CANT1: variants seen among roughly 807,000 people sequenced by gnomAD.
CANT1 encodes the protein soluble calcium-activated nucleotidase 1.
A neutral mutation model predicts 30.0 loss-of-function variants in CANT1; 26 were observed. That is an observed-to-expected ratio of 0.87 (90% confidence interval 0.64 to 1.20). CANT1 has a LOEUF of 1.20. Ranked by LOEUF, CANT1 falls within the 50% of genes most tolerant of loss-of-function variation. CANT1 has a pLI of 0.00. For synonymous variants in CANT1, 246 were observed against 251.8 expected (o/e 0.98, Z 0.22); for missense variants, 518 against 563.0 (o/e 0.92, Z 0.81).
Position 78,997,292 on chromosome 17 carries a change from C to T in CANT1, c.331G>A (p.Ala111Thr), listed in dbSNP as rs757164885. ...AGIRYRIAVI[A>T]DLDTESRAQE... ...GCCCTTGACTCTGTGTCCAGGTCTG[C>T]GATAACTGCGATTCGATACCGAATC... The change falls in exon 3 of 5, where the codon GCA becomes ACA. Residue 111 changes from alanine to threonine, a missense_variant. This residue lies in a region of CANT1 where 249 missense variants were observed against 268.8 expected (regional missense o/e 0.93). Coordinates refer to ENST00000392446, the MANE Select transcript of CANT1 (RefSeq NM_001159773.2). The surrounding 1 kb of genome is among the most constrained non-coding windows in gnomAD (Gnocchi z 7.5). The T allele has an allele frequency of 8.7e-6, 14 of 1,614,048 alleles. No individual in the cohort carries two copies. Among genetic ancestry groups the T allele is most frequent in the African/African-American group, 1.3e-5 (1 of 74,916 alleles).
At position 78,992,664 on chromosome 17, in the gene CANT1, G is replaced by A. The variant is rs776055781; in HGVS notation, c.*886C>T. The A allele has an allele frequency of 8.3e-5, 48 of 581,764 alleles. No individual in the cohort carries two copies. Among genetic ancestry groups the A allele is most frequent in the Admixed American group, 7.6e-4 (38 of 49,808 alleles). The allele number at this position is 581,764 out of a possible 1,614,324, so 36.0% of individuals were successfully genotyped here. On this transcript the variant is annotated 3_prime_UTR_variant, in exon 5 of 5. Coordinates refer to ENST00000392446, the MANE Select transcript of CANT1 (RefSeq NM_001159773.2). ...GATTTCTGACAGTTCCTAGAAAAAG[G>A]CAACATTTTCTTTATCTTTGTATCC...
At position 78,992,860 on chromosome 17, in the gene CANT1, A is replaced by G; in HGVS notation, c.*690T>C. The G allele has an allele frequency of 2.7e-6, 1 of 377,044 alleles. No homozygotes were observed. Among genetic ancestry groups the G allele is most frequent in the Non-Finnish European group, 5.2e-6 (1 of 194,148 alleles). 23.4% of individuals were successfully genotyped at this position (377,044 alleles called of 1,614,324 possible). A position where few individuals can be genotyped will look rare whatever the true frequency, so the allele number is the denominator to read the frequency against. On this transcript the variant is annotated 3_prime_UTR_variant, in exon 5 of 5. Coordinates refer to ENST00000392446, the MANE Select transcript of CANT1 (RefSeq NM_001159773.2). Reference sequence around the variant, plus strand: ...AAACTGCTTTAATTAAAGCAGGTTAATAATTAAAACTTCAAAGTACTGCAC... The same window carrying G: ...AAACTGCTTTAATTAAAGCAGGTTAGTAATTAAAACTTCAAAGTACTGCAC...
At chr17:79,004,254 A>G (rs1194197422) in intron 1 of CANT1, among the ~76,000 whole-genome samples, 1 of 24,926 alleles carries the variant, frequency 4.0e-5, no homozygotes, top group Non-Finnish European at 8.0e-5. Context: ...AGCTAGGGAG[A>G]GGACAGTTAG....
Position 79,002,649 on chromosome 17 carries a change from G to A in CANT1, c.-146-4686C>T, listed in dbSNP as rs2071307476. Among the ~76,000 whole-genome samples the A allele has an allele frequency of 6.6e-6, 1 of 152,228 alleles. No individual in the cohort carries two copies. Among genetic ancestry groups the A allele is most frequent in the African/African-American group, 2.4e-5 (1 of 41,458 alleles). On this transcript the variant is annotated intron_variant, in intron 1 of 4. Coordinates refer to ENST00000392446, the MANE Select transcript of CANT1 (RefSeq NM_001159773.2). This position sits in a 1 kb window ranked among gnomAD's most constrained non-coding sequence, Gnocchi z 4.0. ...CACCGTTGAGTGGTCGCAACAGACT[G>A]TGGAGGCTGAAAATACTGACTCCCT...
Position 78,997,304 on chromosome 17 carries a change from T to C in CANT1, c.319A>G (p.Ile107Val). ...GTGTCCAGGTCTGCGATAACTGCGA[T>C]TCGATACCGAATCCCAGCCGGTGTC... The part of the protein sequence containing the change: ...QRTPAGIRYR[I>V]AVIADLDTES... The change falls in exon 3 of 5, where the codon ATC becomes GTC. Residue 107 changes from isoleucine (I) to valine (V), a missense_variant. By Grantham distance (29) the Ile-to-Val change is conservative. Transcript: ENST00000392446. This position sits in a 1 kb window ranked among gnomAD's most constrained non-coding sequence, Gnocchi z 7.5. 1 of 1,614,184 alleles carries C rather than the reference T, an allele frequency of 6.2e-7. No individual in the cohort carries two copies. The highest frequency in any genetic ancestry group is 8.5e-7 in the Non-Finnish European group (1 of 1,180,026).
rs192227855 is a variant in CANT1 at position 79,008,052 on chromosome 17, C to G, written c.-147+1612G>C. On this transcript the variant is annotated intron_variant, in intron 1 of 4. Coordinates refer to ENST00000392446, the MANE Select transcript of CANT1 (RefSeq NM_001159773.2). This position sits in a 1 kb window ranked among gnomAD's most constrained non-coding sequence, Gnocchi z 4.4. ...GCCTCATGACAGTGCCTGGACAAATCCATGCTTCACCTGAGTCCTGGCCGT... is the reference window on the plus strand; with the variant it reads ...GCCTCATGACAGTGCCTGGACAAATGCATGCTTCACCTGAGTCCTGGCCGT... 1.3e-5 allele frequency: 2 copies of G among 152,396 alleles called. No individual in the cohort carries two copies. The highest frequency in any genetic ancestry group is 1.9e-4 in the East Asian group (1 of 5,188). 9.4% of individuals were successfully genotyped at this position (152,396 alleles called of 1,614,324 possible). A position where few individuals can be genotyped will look rare whatever the true frequency, so the allele number is the denominator to read the frequency against.
In CANT1 at chr17:78,992,091, T is replaced by A. The variant is rs2070858470; in HGVS notation, c.*1459A>T. 1 of 232,158 alleles carries A rather than the reference T, an allele frequency of 4.3e-6. No homozygotes were observed. The highest frequency in any genetic ancestry group is 8.5e-6 in the Non-Finnish European group (1 of 117,428). 14.4% of individuals were successfully genotyped at this position (232,158 alleles called of 1,614,324 possible). A position where few individuals can be genotyped will look rare whatever the true frequency, so the allele number is the denominator to read the frequency against. On this transcript the variant is annotated 3_prime_UTR_variant, in exon 5 of 5. Coordinates refer to ENST00000392446, the MANE Select transcript of CANT1 (RefSeq NM_001159773.2). ...GCTATGCCCGGTGACAGCTGAGCTC[T>A]TCAGAAATGCGTCACATTCAGCGTT...
chr17:79,000,936 C>T (rs576916144), intron 1 of CANT1, among the ~76,000 whole-genome samples: 1 of 152,216 alleles, frequency 6.6e-6, no homozygotes. Context: ...AGGGAGCAGA[C>T]AGTCTGCACG....
intron 1 of CANT1, among the ~76,000 whole-genome samples, chr17:79,009,299 G>T (rs1430886968): frequency 2.0e-5 from 3 of 152,000 alleles, no homozygotes; most frequent in African/African-American, 4.8e-5. Context: ...ATAATCAGAG[G>T]GGGGAGGTGC....
chr17:79,004,585 A>G (rs889035063), intron 1 of CANT1, among the ~76,000 whole-genome samples: 1 of 470 alleles, frequency 2.1e-3, no homozygotes, highest in Non-Finnish European at 3.6e-3. Context: ...AGTTAGGGAG[A>G]GGAGTTAAGG....
At chr17:79,001,403 C>T (rs2071256661) in intron 1 of CANT1, among the ~76,000 whole-genome samples, 1 of 152,178 alleles carries the variant, frequency 6.6e-6, no homozygotes, top group South Asian at 2.1e-4. Flanking sequence ...TCTTCTGGTT[C>T]CTCCCTTCCA....
At position 79,008,701 on chromosome 17, in the gene CANT1, G is replaced by A. The variant is rs1050824890; in HGVS notation, c.-147+963C>T. ...CAAGCCTAGGGTACACAGAGGGCAA[G>A]GGAAAGACCATTCGGAGGGAGAAGC... is the stretch of plus-strand genomic sequence containing the variant. On this transcript the variant is annotated intron_variant, in intron 1 of 4. Coordinates refer to ENST00000392446, the MANE Select transcript of CANT1 (RefSeq NM_001159773.2). This position sits in a 1 kb window ranked among gnomAD's most constrained non-coding sequence, Gnocchi z 4.4. Among the ~76,000 whole-genome samples the A allele has an allele frequency of 7.9e-5, 12 of 152,198 alleles. No homozygotes were observed. Among genetic ancestry groups the A allele is most frequent in the African/African-American group, 2.2e-4 (9 of 41,444 alleles).
intron 1 of CANT1, among the ~76,000 whole-genome samples, chr17:79,007,079 G>C (rs1359939134): frequency 6.6e-6 from 1 of 152,208 alleles, no homozygotes. Flanking sequence ...GCGGGGAGCA[G>C]CGTCCTGCCT....
Position 78,992,467 on chromosome 17 carries a change from C to T in CANT1, c.*1083G>A. 1 of 367,800 alleles carries T rather than the reference C, an allele frequency of 2.7e-6. No individual in the cohort carries two copies. Among genetic ancestry groups the T allele is most frequent in the Non-Finnish European group, 5.3e-6 (1 of 190,474 alleles). The allele number at this position is 367,800 out of a possible 1,614,324, so 22.8% of individuals were successfully genotyped here. A position where few individuals can be genotyped will look rare whatever the true frequency, so the allele number is the denominator to read the frequency against. On this transcript the variant is annotated 3_prime_UTR_variant, in exon 5 of 5. Transcript: ENST00000392446. ...GGAGTACACTCCAGCGAAGCCGAGG[C>T]CCAGCCAACGCTCGTGAAGTTTCCA...
chr17:79,007,264 T>C (rs1200539129), intron 1 of CANT1, among the ~76,000 whole-genome samples: 1 of 152,228 alleles, frequency 6.6e-6, no homozygotes, highest in Non-Finnish European at 1.5e-5. Flanking sequence ...TAAGAATTAA[T>C]ATAAAAGTTT....
At position 78,995,315 on chromosome 17, in the gene CANT1, C is replaced by T. The variant is rs547789036; in HGVS notation, c.632-94G>A. On this transcript the variant is annotated intron_variant, in intron 3 of 4. Coordinates refer to ENST00000392446, the MANE Select transcript of CANT1 (RefSeq NM_001159773.2). This position sits in a 1 kb window ranked among gnomAD's most constrained non-coding sequence, Gnocchi z 5.7. ...CGGCCCCGCACCTGTCCTTAGACCC[C>T]GCACCTGACTCCCGCCCGGCTCCAC... is the stretch of plus-strand genomic sequence containing the variant. The T allele has an allele frequency of 3.5e-5, 47 of 1,328,974 alleles. No individual in the cohort carries two copies. In the Admixed American group the frequency reaches 6.6e-4, roughly 19 times the overall value. 82.3% of individuals were successfully genotyped at this position (1,328,974 alleles called of 1,614,324 possible).
In CANT1 at chr17:78,995,598, C is replaced by CACTCT. The variant is rs1183815369; in HGVS notation, c.632-382_632-378dup. 3.3e-5 allele frequency among the ~76,000 whole-genome samples: 5 copies of CACTCT among 152,256 alleles called. No individual in the cohort carries two copies. The highest frequency in any genetic ancestry group is 4.8e-5 in the African/African-American group (2 of 41,470). On this transcript the variant is annotated intron_variant, in intron 3 of 4. Coordinates refer to ENST00000392446, the MANE Select transcript of CANT1 (RefSeq NM_001159773.2). This position sits in a 1 kb window ranked among gnomAD's most constrained non-coding sequence, Gnocchi z 5.7. ...CCACACCTGAGGTCTCACCGAGCAT[C>CACTCT]ACTCTAACTCCAGTGGCCGGAGAGG... is the stretch of plus-strand genomic sequence containing the variant.
chr17:78,993,482 A>G lies in CANT1; in HGVS notation c.*68T>C, dbSNP rs1599215362. ...GTTCCAAAAAGAACAAAACAAAACAAAAGTGCACTCCTCTTGTTTTTATAA... is the reference window on the plus strand; with the variant it reads ...GTTCCAAAAAGAACAAAACAAAACAGAAGTGCACTCCTCTTGTTTTTATAA... On this transcript the variant is annotated 3_prime_UTR_variant, in exon 5 of 5. Transcript: ENST00000392446. The surrounding 1 kb of genome is among the most constrained non-coding windows in gnomAD (Gnocchi z 4.5). 6.2e-7 allele frequency: 1 copy of G among 1,609,212 alleles called. No individual in the cohort carries two copies. Among genetic ancestry groups the G allele is most frequent in the Non-Finnish European group, 8.5e-7 (1 of 1,177,002 alleles).
In CANT1 at chr17:79,002,415, A is replaced by G. The variant is rs1400427437; in HGVS notation, c.-146-4452T>C. Among the ~76,000 whole-genome samples the G allele has an allele frequency of 6.6e-6, 1 of 152,082 alleles. No individual in the cohort carries two copies. Among genetic ancestry groups the G allele is most frequent in the Non-Finnish European group, 1.5e-5 (1 of 68,010 alleles). On this transcript the variant is annotated intron_variant, in intron 1 of 4. Coordinates refer to ENST00000392446, the MANE Select transcript of CANT1 (RefSeq NM_001159773.2). The surrounding 1 kb of genome is among the most constrained non-coding windows in gnomAD (Gnocchi z 4.0). ...TCGCCTGCTGGGAGGGTTGCAAACT[A>G]CCACCCGTGGGCCAAATGCAGTCTC...
Sources: allele counts gnomAD v4.1 joint callset (sites outside exome capture counted in the v4.1 genomes callset), GRCh38; gene constraint gnomAD v4.1.1; regional missense constraint gnomAD v4.1.1; non-coding constraint Gnocchi (gnomAD v3.1); transcripts MANE v1.5; gene names NCBI Gene and HGNC (gene_info 2026-07-23, HGNC 2026-07-21).